DCAF17: variants seen among roughly 807,000 people sequenced by gnomAD.
DCAF17 encodes DDB1- and CUL4-associated factor 17.
In DCAF17, 48 loss-of-function variants were observed where a neutral mutation model predicts 66.0. That is an observed-to-expected ratio of 0.73 (90% CI 0.58 to 0.92). The LOEUF (loss-of-function observed/expected upper bound fraction) is 0.92, where lower values mean the gene tolerates loss of function less well. DCAF17 is among the 40% of genes least tolerant of loss of function. The probability of loss-of-function intolerance (pLI) is 0.00; values close to 1 mark genes in which losing one functional copy is unlikely to be tolerated. For missense variants in DCAF17, 562 were observed against 622.8 expected (o/e 0.90, Z 1.04); for synonymous variants, 206 against 214.6 (o/e 0.96, Z 0.35).
Position 171,481,298 on chromosome 2 carries a change from T to A in DCAF17, c.*184T>A. ...GTAAAAGATGGTGAGGACTTCATTT[T>A]TTTTAAAGGTTTTTTAGAATACTGT... On this transcript the variant is annotated 3_prime_UTR_variant, in exon 14 of 14. Transcript: ENST00000375255. 2 of 742,206 alleles carry A rather than the reference T, an allele frequency of 2.7e-6. No individual in the cohort carries two copies. The highest frequency in any genetic ancestry group is 4.7e-6 in the Non-Finnish European group (2 of 429,974). The allele number at this position is 742,206 out of a possible 1,614,324, so 46.0% of individuals were successfully genotyped here.
chr2:171,435,387 C>T (rs1277597478), intron 2 of DCAF17, among the ~76,000 whole-genome samples: 1 of 152,066 alleles, frequency 6.6e-6, no homozygotes, highest in African/African-American at 2.4e-5. Flanking sequence ...TTTGTAAATA[C>T]CAACTTAAAG....
intron 8 of DCAF17, 91 bp downstream of exon 8, chr2:171,458,568 A>C: frequency 1.2e-4 from 125 of 1,039,890 alleles, no homozygotes; most frequent in Non-Finnish European, 1.5e-4. Flanking sequence ...TGTTTTTCTC[A>C]TTTATTTAAA....
chr2:171,476,972 A>G, intron 11 of DCAF17, 22 bp downstream of exon 11: 3 of 1,517,496 alleles, frequency 2.0e-6, no homozygotes, highest in South Asian at 1.1e-5. Flanking sequence ...GTACTTTAAA[A>G]TCCTTTATAT....
At chr2:171,458,097 C>T in intron 7 of DCAF17, 22 bp downstream of exon 7, 2 of 1,591,930 alleles carry the variant, frequency 1.3e-6, no homozygotes, top group Non-Finnish European at 1.7e-6. Flanking sequence ...TGAAATTTGT[C>T]ATGTTACTAT....
intron 8 of DCAF17, among the ~76,000 whole-genome samples, chr2:171,463,778 C>T (rs1423660090): frequency 2.6e-5 from 4 of 152,030 alleles, no homozygotes; most frequent in Non-Finnish European, 5.9e-5. Flanking sequence ...AACTCTGTTA[C>T]TGCTTTTACC....
intron 4 of DCAF17, among the ~76,000 whole-genome samples, chr2:171,449,353 T>C (rs1477523528): frequency 6.6e-6 from 1 of 152,164 alleles, no homozygotes; most frequent in Non-Finnish European, 1.5e-5. Flanking sequence ...CTGTAATAGT[T>C]TAAATAAACT....
intron 2 of DCAF17, among the ~76,000 whole-genome samples, chr2:171,438,354 GT>G (rs1294709314): frequency 7.4e-6 from 1 of 135,458 alleles, no homozygotes; most frequent in East Asian, 3.3e-4. Flanking sequence ...GAGATATTCT[GT>G]TTGATCCAGT....
chr2:171,483,187 C>T lies in DCAF17; in HGVS notation c.*2073C>T, dbSNP rs1313411875. ...CATGCTTCCCAGCTCGCCAGAGTGT[C>T]ACACAGCTGCTCATTCTGCCACCTG... is the stretch of plus-strand genomic sequence containing the variant. On this transcript the variant is annotated 3_prime_UTR_variant, in exon 14 of 14. Coordinates refer to ENST00000375255, the MANE Select transcript of DCAF17 (RefSeq NM_025000.4). The T allele has an allele frequency of 1.1e-5, 5 of 454,016 alleles. No individual in the cohort carries two copies. The highest frequency in any genetic ancestry group is 1.0e-4 in the African/African-American group (5 of 50,014). The allele number at this position is 454,016 out of a possible 1,614,324, so 28.1% of individuals were successfully genotyped here.
At chr2:171,461,963 C>T (rs1178211186) in intron 8 of DCAF17, among the ~76,000 whole-genome samples, 3 of 152,010 alleles carry the variant, frequency 2.0e-5, no homozygotes, top group Non-Finnish European at 2.9e-5. Context: ...ATTTGAGATT[C>T]GTTTCATGTT....
At chr2:171,452,709 C>A in intron 5 of DCAF17, among the ~76,000 whole-genome samples, 1 of 152,218 alleles carries the variant, frequency 6.6e-6, no homozygotes, top group Non-Finnish European at 1.5e-5. Flanking sequence ...AGCGATCCTC[C>A]TGCCTTAGCC....
At chr2:171,452,132 C>T (rs1049312274) in intron 5 of DCAF17, among the ~76,000 whole-genome samples, 3 of 152,074 alleles carry the variant, frequency 2.0e-5, no homozygotes, top group Admixed American at 6.5e-5. Flanking sequence ...TTAAGCATTA[C>T]AATCTTTTTT....
chr2:171,457,944 G>A lies in DCAF17; in HGVS notation c.628-27G>A, dbSNP rs1367005597. On this transcript the variant is annotated intron_variant, in intron 6 of 13. Coordinates refer to ENST00000375255, the MANE Select transcript of DCAF17 (RefSeq NM_025000.4). ...GGATTGGACTTCCAGTCTTTTCTCA[G>A]GTGATATCTGTCTTTCCCCCCGCCA... 29 of 1,549,018 alleles carry A rather than the reference G, an allele frequency of 1.9e-5. No individual in the cohort carries two copies. In the Admixed American group the frequency reaches 4.8e-4, roughly 26 times the overall value.
chr2:171,479,147 T>C (rs1301091288), intron 12 of DCAF17, among the ~76,000 whole-genome samples: 1 of 152,194 alleles, frequency 6.6e-6, no homozygotes, highest in African/African-American at 2.4e-5. Flanking sequence ...TCAAACGTAA[T>C]AAATCCATAT....
At chr2:171,457,577 T>C (rs1695331663) in intron 6 of DCAF17, among the ~76,000 whole-genome samples, 1 of 152,240 alleles carries the variant, frequency 6.6e-6, no homozygotes, top group Non-Finnish European at 1.5e-5. Flanking sequence ...AAGAACATTT[T>C]AGCATAAAGA....
At position 171,474,058 on chromosome 2, in the gene DCAF17, G is replaced by T; in HGVS notation, c.1091+83G>T. 8.1e-6 allele frequency: 9 copies of T among 1,113,106 alleles called. No individual in the cohort carries two copies. The South Asian group carries it at 1.2e-4, about 15-fold the overall frequency. The allele number at this position is 1,113,106 out of a possible 1,614,324, so 69.0% of individuals were successfully genotyped here. On this transcript the variant is annotated intron_variant, in intron 10 of 13. Transcript: ENST00000375255. ...CATCTTTATTTTTGCCAGCGAACTA[G>T]TGAGCCAATTAATGGAAATAATTAG...
At chr2:171,446,890 A>G (rs1187300634) in intron 3 of DCAF17, among the ~76,000 whole-genome samples, 1 of 152,220 alleles carries the variant, frequency 6.6e-6, no homozygotes, top group Non-Finnish European at 1.5e-5. Context: ...AAATATAACA[A>G]AAAAGCCTAA....
rs139266433 is a variant in DCAF17, at chr2:171,450,200, A to G, written c.537+243A>G. 2,043 of 425,492 alleles carry G rather than the reference A, an allele frequency of 4.8e-3. 7 individuals carry two copies. Among genetic ancestry groups the G allele is most frequent in the Non-Finnish European group, 7.3e-3 (1,664 of 229,236 alleles). The allele number at this position is 425,492 out of a possible 1,614,324, so 26.4% of individuals were successfully genotyped here. A position where few individuals can be genotyped will look rare whatever the true frequency, so the allele number is the denominator to read the frequency against. ...TAAGCCTTGAGGATGCAAAGGCATA[A>G]GAATGATACAATTTACTCTGGAGAC... On this transcript the variant is annotated intron_variant, in intron 5 of 13. Transcript: ENST00000375255.
intron 8 of DCAF17, among the ~76,000 whole-genome samples, chr2:171,460,779 G>A (rs1695541801): frequency 6.6e-6 from 1 of 151,992 alleles, no homozygotes; most frequent in Non-Finnish European, 1.5e-5. Context: ...CAAGCAGTCT[G>A]CCTACCTCAT....
At chr2:171,471,265 A>G (rs926051495) in intron 9 of DCAF17, among the ~76,000 whole-genome samples, 2 of 152,214 alleles carry the variant, frequency 1.3e-5, no homozygotes, top group African/African-American at 4.8e-5. Flanking sequence ...CCTGTTAGTC[A>G]GAAGAGTAGA....
Sources: gnomAD v4.1 joint callset for allele counts (sites outside exome capture counted in the v4.1 genomes callset) on GRCh38, gnomAD v4.1.1 for gene constraint, MANE v1.5 for transcripts, NCBI Gene and HGNC (gene_info 2026-07-23, HGNC 2026-07-21) for gene names.